CHD6: variants seen among roughly 807,000 people sequenced by gnomAD.
The protein encoded by CHD6 is chromodomain helicase DNA binding protein 6, also known as ATP-dependent chromatin remodeler CHD6.
CHD6 carries 50 observed loss-of-function variants against 276.9 expected under a neutral mutation model. The observed-to-expected ratio is 0.18, with a 90% confidence interval of 0.14 to 0.23. The LOEUF (loss-of-function observed/expected upper bound fraction) is 0.23, where lower values mean the gene tolerates loss of function less well. Ranked by LOEUF, CHD6 falls within the 10% of genes least tolerant of loss-of-function variation. The pLI is 1.00. For synonymous variants in CHD6, 1,173 were observed against 1,229.3 expected (o/e 0.95, Z 0.96); for missense variants, 2,564 against 3,365.8 (o/e 0.76, Z 5.89).
chr20:41,412,342 T>A, intron 35 of CHD6, 79 bp from the exon 36 acceptor site: 1 of 1,528,774 alleles, frequency 6.5e-7, no homozygotes, highest in Non-Finnish European at 9.0e-7. Flanking sequence ...TTTCAACTGG[T>A]TTTGCTATTG....
chr20:41,589,409 G>C (rs1213877533), intron 1 of CHD6, among the ~76,000 whole-genome samples: 1 of 152,154 alleles, frequency 6.6e-6, no homozygotes, highest in Non-Finnish European at 1.5e-5. Flanking sequence ...ATTCAATTAG[G>C]AAAAGAGGAA....
At chr20:41,526,185 G>C (rs902053680) in intron 3 of CHD6, among the ~76,000 whole-genome samples, 5 of 151,924 alleles carry the variant, frequency 3.3e-5, no homozygotes, top group Non-Finnish European at 7.4e-5. Context: ...TAAAGACTTA[G>C]TGCAAAGCTT....
Position 41,473,575 on chromosome 20 carries a change from A to C in CHD6, c.2469-58T>G. 1 of 1,416,788 alleles carries C rather than the reference A, an allele frequency of 7.1e-7. No individual in the cohort carries two copies. Among genetic ancestry groups the C allele is most frequent in the Non-Finnish European group, 9.9e-7 (1 of 1,010,316 alleles). The allele number at this position is 1,416,788 out of a possible 1,614,324, so 87.8% of individuals were successfully genotyped here. On this transcript the variant is annotated intron_variant, in intron 16 of 36. Transcript: ENST00000373233. This position sits in a 1 kb window ranked among gnomAD's most constrained non-coding sequence, Gnocchi z 4.1. Reference sequence around the variant, plus strand: ...GTTAATCATGACTTCAATGGAGAACAGCACAAAATGCAGGAAGCTGTCGAC... The same window carrying C: ...GTTAATCATGACTTCAATGGAGAACCGCACAAAATGCAGGAAGCTGTCGAC...
At chr20:41,552,498 T>A (rs922067630) in intron 1 of CHD6, among the ~76,000 whole-genome samples, 2 of 152,230 alleles carry the variant, frequency 1.3e-5, no homozygotes, top group African/African-American at 2.4e-5. Flanking sequence ...AATGATGACA[T>A]CACTGTGTAC....
intron 2 of CHD6, among the ~76,000 whole-genome samples, chr20:41,545,060 T>C (rs1187925379): frequency 6.6e-6 from 1 of 152,190 alleles, no homozygotes; most frequent in African/African-American, 2.4e-5. Flanking sequence ...ACAAGGCATA[T>C]GGCACAGCTA....
intron 25 of CHD6, among the ~76,000 whole-genome samples, chr20:41,443,011 T>C (rs1432391906): frequency 6.6e-6 from 1 of 152,244 alleles, no homozygotes; most frequent in Non-Finnish European, 1.5e-5. Context: ...CATTATCTGC[T>C]AAACTCATCC....
chr20:41,416,057 G>A (rs986646695), intron 33 of CHD6, among the ~76,000 whole-genome samples: 1 of 152,148 alleles, frequency 6.6e-6, no homozygotes, highest in African/African-American at 2.4e-5. Flanking sequence ...ATTCCAATGT[G>A]CAGTTGAGCA....
In CHD6 at chr20:41,519,284, A is replaced by AAAAC. The variant is rs142288908; in HGVS notation, c.555-4336_555-4333dup. ...ACTGTCAGAGTCAGACCCTGTCTCA[A>AAAAC]AAACAAACAAACAAACAAACAAAAA... On this transcript the variant is annotated intron_variant, in intron 3 of 36. Transcript: ENST00000373233. 4.5e-4 allele frequency among the ~76,000 whole-genome samples: 68 copies of AAAAC among 151,538 alleles called. No individual in the cohort carries two copies. In the East Asian group the frequency reaches 0.011, roughly 23 times the overall value.
chr20:41,452,113 T>C lies in CHD6; in HGVS notation c.3324-88A>G, dbSNP rs745740043. On this transcript the variant is annotated intron_variant, in intron 21 of 36. Coordinates refer to ENST00000373233, the MANE Select transcript of CHD6 (RefSeq NM_032221.5). The surrounding 1 kb of genome is among the most constrained non-coding windows in gnomAD (Gnocchi z 4.2). Reference sequence around the variant, plus strand: ...CCCACAGGAGGAGAAACAAGAGCCATACATGCTTTTTGTTCTCTGTAGGTC... The same window carrying C: ...CCCACAGGAGGAGAAACAAGAGCCACACATGCTTTTTGTTCTCTGTAGGTC... 4 of 1,026,094 alleles carry C rather than the reference T, an allele frequency of 3.9e-6. No homozygotes were observed. The highest frequency in any genetic ancestry group is 6.0e-6 in the Non-Finnish European group (4 of 668,084). The allele number at this position is 1,026,094 out of a possible 1,614,324, so 63.6% of individuals were successfully genotyped here. A position where few individuals can be genotyped will look rare whatever the true frequency, so the allele number is the denominator to read the frequency against.
intron 36 of CHD6, among the ~76,000 whole-genome samples, chr20:41,408,197 T>A (rs954722559): frequency 2.6e-5 from 4 of 151,244 alleles, no homozygotes; most frequent in African/African-American, 9.7e-5. Context: ...AACTGTTATA[T>A]TTAGTCCCCT....
At chr20:41,611,685 T>G (rs2045888652) in intron 1 of CHD6, among the ~76,000 whole-genome samples, 1 of 152,060 alleles carries the variant, frequency 6.6e-6, no homozygotes, top group East Asian at 1.9e-4. Context: ...TGCGATGGCG[T>G]GATCTCAGTT....
chr20:41,414,931 CG>C, intron 34 of CHD6: 1 of 1,328,148 alleles, frequency 7.5e-7, no homozygotes, highest in Non-Finnish European at 9.6e-7. Context: ...CCTGGAGGAG[CG>C]GGGTTGTTCC....
chr20:41,613,541 A>AGAATTTGGGGGATAAC (rs1555813530), intron 1 of CHD6, among the ~76,000 whole-genome samples: 1 of 152,208 alleles, frequency 6.6e-6, no homozygotes, highest in Non-Finnish European at 1.5e-5. Context: ...TTGGGGGATA[A>AGAATTTGGGGGATAAC]CCCCAGGGAA....
At chr20:41,584,254 A>G (rs4810323) in intron 1 of CHD6, among the ~76,000 whole-genome samples, 58,123 of 151,994 alleles carry the variant, frequency 0.38, 13,829 homozygotes, top group African/African-American at 0.66. Context: ...GAGAGACATC[A>G]CATAATGATG....
chr20:41,403,182 T>TA lies in CHD6; in HGVS notation c.*1410dup. 1 of 842,162 alleles carries TA rather than the reference T, an allele frequency of 1.2e-6. No homozygotes were observed. The highest frequency in any genetic ancestry group is 1.5e-6 in the Non-Finnish European group (1 of 677,482). 52.2% of individuals were successfully genotyped at this position (842,162 alleles called of 1,614,324 possible). Reference sequence around the variant, plus strand: ...AAACTGTAACAGAAAAAGTAAAAAATACAGTAAATTGTGACAACAAAAAGT... The same window carrying TA: ...AAACTGTAACAGAAAAAGTAAAAAATAACAGTAAATTGTGACAACAAAAAGT... On this transcript the variant is annotated 3_prime_UTR_variant, in exon 37 of 37. Transcript: ENST00000373233.
chr20:41,469,728 T>C (rs1010978228), intron 17 of CHD6, among the ~76,000 whole-genome samples: 1 of 152,046 alleles, frequency 6.6e-6, no homozygotes. Context: ...AATACAGACA[T>C]ATTCAAGGTT....
intron 1 of CHD6, among the ~76,000 whole-genome samples, chr20:41,561,443 T>C (rs1385740513): frequency 6.6e-6 from 1 of 152,198 alleles, no homozygotes; most frequent in East Asian, 1.9e-4. Context: ...AAGCTCAATG[T>C]TCTTCTCTTG....
chr20:41,455,147 A>C (rs1278361861), intron 19 of CHD6, among the ~76,000 whole-genome samples: 2 of 152,212 alleles, frequency 1.3e-5, no homozygotes, highest in Non-Finnish European at 2.9e-5. Context: ...TGAGGTGTAG[A>C]GACAAGGGAT....
intron 1 of CHD6, among the ~76,000 whole-genome samples, chr20:41,599,305 G>A (rs951543193): frequency 6.6e-6 from 1 of 152,050 alleles, no homozygotes; most frequent in African/African-American, 2.4e-5. Flanking sequence ...CACAGCCCCC[G>A]ATGGAACAAT....
Sources: gnomAD v4.1 joint callset for allele counts (sites outside exome capture counted in the v4.1 genomes callset) on GRCh38, gnomAD v4.1.1 for gene constraint, Gnocchi (gnomAD v3.1) non-coding constraint, MANE v1.5 for transcripts, NCBI Gene and HGNC (gene_info 2026-07-23, HGNC 2026-07-21) for gene names.